The following PAFAH1B1 variants were observed in gnomAD, a reference collection of about 807,000 sequenced individuals.
PAFAH1B1 encodes platelet-activating factor acetylhydrolase IB subunit beta.
PAFAH1B1 carries 2 observed loss-of-function variants against 57.5 expected under a neutral mutation model. The observed-to-expected ratio is 0.03, with a 90% CI of 0.01 to 0.11. The LOEUF (loss-of-function observed/expected upper bound fraction) is 0.11, where lower values mean the gene tolerates loss of function less well. Among genes scored for constraint, PAFAH1B1 ranks in the 10% least tolerant of loss-of-function variants. PAFAH1B1 has a pLI of 1.00. For synonymous variants in PAFAH1B1, 152 were observed against 169.6 expected (o/e 0.90, Z 0.81); for missense variants, 257 against 512.0 (o/e 0.50, Z 4.81).
chr17:2,632,210 T>A (rs970922850), intron 1 of PAFAH1B1, among the ~76,000 whole-genome samples: 8 of 152,236 alleles, frequency 5.3e-5, no homozygotes, highest in African/African-American at 1.9e-4. Context: ...ATTTCAGGCG[T>A]GAGCCTCCAC....
chr17:2,642,851 C>T (rs939896692), intron 2 of PAFAH1B1, among the ~76,000 whole-genome samples: 3 of 152,050 alleles, frequency 2.0e-5, no homozygotes, highest in Non-Finnish European at 4.4e-5. Flanking sequence ...TTTTCATCCT[C>T]CCCCTCACTC....
At chr17:2,621,405 T>A (rs770395385) in intron 1 of PAFAH1B1, among the ~76,000 whole-genome samples, 2 of 152,176 alleles carry the variant, frequency 1.3e-5, no homozygotes, top group African/African-American at 2.4e-5. Context: ...ATTCTAAACA[T>A]CTGGTAACTT....
chr17:2,653,206 T>C (rs2068889159), intron 2 of PAFAH1B1, among the ~76,000 whole-genome samples: 1 of 151,646 alleles, frequency 6.6e-6, no homozygotes, highest in Admixed American at 6.6e-5. Flanking sequence ...CACTCATAGG[T>C]GGGAATTGAA....
At chr17:2,681,330 G>C (rs2069381933) in intron 10 of PAFAH1B1, 1 of 158,022 alleles carries the variant, frequency 6.3e-6, no homozygotes, top group Non-Finnish European at 1.4e-5. Flanking sequence ...TTTGATCATT[G>C]AGTCTCAACT....
At chr17:2,596,205 TACAC>T (rs952094305) in intron 1 of PAFAH1B1, among the ~76,000 whole-genome samples, 4 of 151,916 alleles carry the variant, frequency 2.6e-5, no homozygotes, top group Non-Finnish European at 4.4e-5. Context: ...TATATAAAGA[TACAC>T]ACACACATAT....
chr17:2,661,265 G>A (rs904138269), intron 2 of PAFAH1B1, among the ~76,000 whole-genome samples: 3 of 152,004 alleles, frequency 2.0e-5, no homozygotes, highest in Non-Finnish European at 4.4e-5. Context: ...GTATTGCCTA[G>A]GTTTTCTTCT....
At chr17:2,623,441 G>A (rs1373187473) in intron 1 of PAFAH1B1, among the ~76,000 whole-genome samples, 2 of 151,534 alleles carry the variant, frequency 1.3e-5, no homozygotes, top group African/African-American at 2.4e-5. Context: ...TGTATTTTTA[G>A]TAGAGACAGG....
intron 1 of PAFAH1B1, among the ~76,000 whole-genome samples, chr17:2,629,924 A>G (rs1597534403): frequency 6.6e-6 from 1 of 152,196 alleles, no homozygotes; most frequent in African/African-American, 2.4e-5. Context: ...TTTGGTGTCC[A>G]TTTGCATGAA....
chr17:2,660,676 C>T (rs1487548590), intron 2 of PAFAH1B1, among the ~76,000 whole-genome samples: 1 of 152,154 alleles, frequency 6.6e-6, no homozygotes, highest in Non-Finnish European at 1.5e-5. Context: ...GGGTTGGTTC[C>T]ATGTCTTTGC....
At chr17:2,632,825 G>C (rs1243488004) in intron 1 of PAFAH1B1, among the ~76,000 whole-genome samples, 1 of 152,118 alleles carries the variant, frequency 6.6e-6, no homozygotes, top group African/African-American at 2.4e-5. Flanking sequence ...AGGGATATGA[G>C]CAACCTCGGA....
chr17:2,673,172 C>G (rs762927373), intron 7 of PAFAH1B1, among the ~76,000 whole-genome samples: 8 of 152,204 alleles, frequency 5.3e-5, no homozygotes, highest in Non-Finnish European at 1.0e-4. Flanking sequence ...ATCATTATGA[C>G]AGTCATATTA....
intron 1 of PAFAH1B1, among the ~76,000 whole-genome samples, chr17:2,610,587 T>C (rs1037304741): frequency 2.0e-5 from 3 of 152,170 alleles, no homozygotes; most frequent in Non-Finnish European, 2.9e-5. Context: ...AGAATTGTCT[T>C]GGGCTACACA....
At chr17:2,594,170 C>A (rs906287414) in intron 1 of PAFAH1B1, among the ~76,000 whole-genome samples, 164 bp downstream of exon 1, 1 of 152,102 alleles carries the variant, frequency 6.6e-6, no homozygotes, top group Non-Finnish European at 1.5e-5. Context: ...CTTCTCTCCT[C>A]GCTCTCAAAA....
chr17:2,644,755 G>C (rs534288449), intron 2 of PAFAH1B1, among the ~76,000 whole-genome samples: 1 of 152,046 alleles, frequency 6.6e-6, no homozygotes, highest in South Asian at 2.1e-4. Context: ...TGTTATTTCT[G>C]AGTCAATTCA....
intron 2 of PAFAH1B1, among the ~76,000 whole-genome samples, chr17:2,663,207 G>A (rs1413620054): frequency 1.3e-5 from 2 of 152,130 alleles, no homozygotes; most frequent in Non-Finnish European, 2.9e-5. Context: ...GAACCCAGGA[G>A]GCAGAGCTTG....
At chr17:2,604,568 C>A (rs190864556) in intron 1 of PAFAH1B1, among the ~76,000 whole-genome samples, 3 of 152,070 alleles carry the variant, frequency 2.0e-5, no homozygotes, top group Admixed American at 6.6e-5. Context: ...CCCAGCACTT[C>A]GAGAGGCTGA....
At chr17:2,624,689 G>A (rs1038669425) in intron 1 of PAFAH1B1, among the ~76,000 whole-genome samples, 4 of 152,148 alleles carry the variant, frequency 2.6e-5, no homozygotes, top group Non-Finnish European at 5.9e-5. Flanking sequence ...GGAGATACAA[G>A]TCAAGTTGAG....
At chr17:2,640,066 C>G (rs921771606) in intron 2 of PAFAH1B1, 1 of 152,130 alleles carries the variant, frequency 6.6e-6, no homozygotes, top group Non-Finnish European at 1.5e-5. Context: ...TGTTGGGGGT[C>G]TGTGTGTGCA....
At chr17:2,677,626 G>A (rs1474399374) in intron 9 of PAFAH1B1, among the ~76,000 whole-genome samples, 8 of 152,040 alleles carry the variant, frequency 5.3e-5, no homozygotes, top group African/African-American at 1.9e-4. Flanking sequence ...AGGCCGAGGC[G>A]AGCAGATCAC....
Sources: allele counts gnomAD v4.1 joint callset (sites outside exome capture counted in the v4.1 genomes callset), GRCh38; gene constraint gnomAD v4.1.1; transcripts MANE v1.5; gene names NCBI Gene and HGNC (gene_info 2026-07-23, HGNC 2026-07-21).